The following PTPRT variants were observed in gnomAD, a reference collection of about 807,000 sequenced individuals.
PTPRT encodes protein tyrosine phosphatase receptor type T.
Under a neutral mutation model 176.8 loss-of-function variants are expected in PTPRT, and 56 were observed. That is an observed-to-expected ratio of 0.32 (90% CI 0.26 to 0.40). PTPRT has a LOEUF of 0.40. Ranked by LOEUF, PTPRT falls within the 10% of genes least tolerant of loss-of-function variation. The pLI is 1.00. For missense variants in PTPRT, 1,540 were observed against 1,908.2 expected (o/e 0.81, Z 3.60); for synonymous variants, 783 against 739.0 (o/e 1.06, Z -0.96).
chr20:43,116,715 T>G (rs751261261), intron 1 of PTPRT, among the ~76,000 whole-genome samples: 1 of 152,210 alleles, frequency 6.6e-6, no homozygotes, highest in East Asian at 1.9e-4. Context: ...TGTCTCTTTT[T>G]CTTTTTCCAC....
chr20:42,575,938 GA>G (rs2073252206), intron 7 of PTPRT, among the ~76,000 whole-genome samples: 2 of 152,082 alleles, frequency 1.3e-5, no homozygotes, highest in Admixed American at 6.5e-5. Context: ...CAGCCAGAGT[GA>G]GCATATAAAA....
Position 42,225,731 on chromosome 20 carries a change from C to T in PTPRT, c.2342+10498G>A, listed in dbSNP as rs556082449. Among the ~76,000 whole-genome samples the T allele has an allele frequency of 1.2e-3, 176 of 152,326 alleles. 2 individuals carry two copies. The highest frequency in any genetic ancestry group is 2.3e-3 in the Non-Finnish European group (158 of 68,032). On this transcript the variant is annotated intron_variant, in intron 15 of 30. Transcript: ENST00000373187. Reference sequence around the variant, plus strand: ...GCAGCTGCACGATCTTGGCTCACTACAAACCCCGCCTCCCGGCTTCAAGCG... The same window carrying T: ...GCAGCTGCACGATCTTGGCTCACTATAAACCCCGCCTCCCGGCTTCAAGCG...
intron 2 of PTPRT, among the ~76,000 whole-genome samples, chr20:42,839,489 G>A (rs2078240562): frequency 6.6e-6 from 1 of 152,138 alleles, no homozygotes; most frequent in African/African-American, 2.4e-5. Flanking sequence ...CAGAAAGTGA[G>A]GATTAAGAAA....
At chr20:42,945,838 C>A (rs1204235064) in intron 1 of PTPRT, among the ~76,000 whole-genome samples, 1 of 152,006 alleles carries the variant, frequency 6.6e-6, no homozygotes, top group Non-Finnish European at 1.5e-5. Flanking sequence ...CTTTCATCAC[C>A]GCCAGAGAAG....
intron 11 of PTPRT, among the ~76,000 whole-genome samples, chr20:42,326,808 G>C (rs886663963): frequency 6.6e-6 from 1 of 152,078 alleles, no homozygotes; most frequent in African/African-American, 2.4e-5. Context: ...CCAAATTGAT[G>C]TATTGTTTTC....
intron 2 of PTPRT, among the ~76,000 whole-genome samples, chr20:42,832,065 GA>G (rs2078098686): frequency 6.6e-6 from 1 of 152,180 alleles, no homozygotes; most frequent in African/African-American, 2.4e-5. Context: ...CTACCATAAA[GA>G]CACATGCACA....
At chr20:42,758,612 A>G (rs2076871264) in intron 5 of PTPRT, among the ~76,000 whole-genome samples, 1 of 152,116 alleles carries the variant, frequency 6.6e-6, no homozygotes, top group Admixed American at 6.5e-5. Flanking sequence ...ATACTTGAAC[A>G]TAAAAAAAAA....
At chr20:42,472,156 G>A (rs2071208158) in intron 8 of PTPRT, 110 bp downstream of exon 8, 9 of 1,235,138 alleles carry the variant, frequency 7.3e-6, no homozygotes, top group Non-Finnish European at 1.0e-5. Context: ...AAAGGTGTGT[G>A]TGAGGGAATT....
intron 2 of PTPRT, among the ~76,000 whole-genome samples, chr20:42,796,997 C>G (rs184722686): frequency 6.6e-6 from 1 of 152,170 alleles, no homozygotes; most frequent in Admixed American, 6.5e-5. Context: ...TTATAAAGTG[C>G]GTAGATAAGT....
At chr20:42,058,461 C>G in the PTPRT span, among the ~76,000 whole-genome samples, 1 of 152,152 alleles carries the variant, frequency 6.6e-6, no homozygotes, top group African/African-American at 2.4e-5. Context: ...TGATTTGGTT[C>G]CTTGTAATCT....
chr20:42,619,917 A>G (rs531782487), intron 7 of PTPRT, among the ~76,000 whole-genome samples: 14,596 of 143,414 alleles, frequency 0.1, 952 homozygotes, highest in Non-Finnish European at 0.15. Context: ...TAATTTGATC[A>G]TCTGAAGCCT....
intron 6 of PTPRT, among the ~76,000 whole-genome samples, chr20:42,743,447 T>C (rs939867768): frequency 1.3e-5 from 2 of 152,226 alleles, no homozygotes; most frequent in African/African-American, 4.8e-5. Flanking sequence ...GAGATTTTAT[T>C]CTATTCTAGG....
intron 9 of PTPRT, among the ~76,000 whole-genome samples, chr20:42,415,386 G>GT (rs869277160): frequency 6.6e-6 from 1 of 151,494 alleles, no homozygotes; most frequent in Non-Finnish European, 1.5e-5. Context: ...TTGTTTGTTT[G>GT]TTTTTTGTAG....
intron 2 of PTPRT, among the ~76,000 whole-genome samples, chr20:42,825,017 AGT>A (rs2077968211): frequency 6.6e-6 from 1 of 152,128 alleles, no homozygotes; most frequent in Admixed American, 6.6e-5. Flanking sequence ...AATAGGATGC[AGT>A]GTCATTTCTT....
chr20:43,181,168 C>T (rs1006039406), intron 1 of PTPRT, among the ~76,000 whole-genome samples: 12 of 152,138 alleles, frequency 7.9e-5, no homozygotes, highest in Non-Finnish European at 1.6e-4. Context: ...TGAATCCCGC[C>T]AACAGCCACG....
intron 17 of PTPRT, among the ~76,000 whole-genome samples, chr20:42,148,066 T>G (rs906333692): frequency 6.6e-6 from 1 of 152,196 alleles, no homozygotes; most frequent in Non-Finnish European, 1.5e-5. Flanking sequence ...GACCAGGGAA[T>G]GGTGGCAGTC....
intron 2 of PTPRT, among the ~76,000 whole-genome samples, chr20:42,799,772 TTCTG>T (rs1454306584): frequency 5.3e-5 from 8 of 152,194 alleles, no homozygotes; most frequent in African/African-American, 1.2e-4. Context: ...TAAGCAAGAA[TTCTG>T]TCTGTTTCTT....
At chr20:42,861,806 G>A (rs2078666189) in intron 2 of PTPRT, among the ~76,000 whole-genome samples, 1 of 152,086 alleles carries the variant, frequency 6.6e-6, no homozygotes, top group Non-Finnish European at 1.5e-5. Context: ...TTGCTGAGAA[G>A]AGCCTTCGGC....
intron 4 of PTPRT, among the ~76,000 whole-genome samples, chr20:42,779,260 T>A (rs1048028232): frequency 2.0e-5 from 3 of 152,094 alleles, no homozygotes; most frequent in Non-Finnish European, 4.4e-5. Flanking sequence ...GAGAAGCACA[T>A]AAGGAGAGGA....
Sources: allele counts gnomAD v4.1 joint callset (sites outside exome capture counted in the v4.1 genomes callset), GRCh38; gene constraint gnomAD v4.1.1; transcripts MANE v1.5; gene names NCBI Gene and HGNC (gene_info 2026-07-23, HGNC 2026-07-21).